The following TANC2 variants were observed in gnomAD, a reference collection of about 807,000 sequenced individuals.
TANC2 encodes the protein tetratricopeptide repeat, ankyrin repeat and coiled-coil containing 2.
TANC2 carries 26 observed loss-of-function variants against 210.5 expected under a neutral mutation model. The ratio of observed to expected loss-of-function variants is 0.12; its 90% CI spans 0.09 to 0.17. The LOEUF is 0.17. Among genes scored for constraint, TANC2 ranks in the 10% least tolerant of loss-of-function variants. The pLI is 1.00. For synonymous variants in TANC2, 931 were observed against 967.1 expected, an observed-to-expected ratio of 0.96 and a Z score of 0.69; for missense variants, 2,129 against 2,608.9, an observed-to-expected ratio of 0.82 and a Z score of 4.01.
chr17:63,195,255 A>C (rs533088081), intron 6 of TANC2, among the ~76,000 whole-genome samples: 1 of 152,224 alleles, frequency 6.6e-6, no homozygotes, highest in African/African-American at 2.4e-5. Context: ...TTAGCTTCCC[A>C]CATTATATTT....
chr17:63,156,743 G>A (rs2039853502), intron 5 of TANC2, among the ~76,000 whole-genome samples: 1 of 151,478 alleles, frequency 6.6e-6, no homozygotes, highest in Admixed American at 6.6e-5. Context: ...AAATAGAGAT[G>A]AGATCTCCCT....
intron 7 of TANC2, among the ~76,000 whole-genome samples, chr17:63,224,898 C>G (rs2042290117): frequency 6.6e-6 from 1 of 152,216 alleles, no homozygotes; most frequent in Non-Finnish European, 1.5e-5. Flanking sequence ...CTGATCATCT[C>G]AGGCTGATTT....
chr17:63,304,567 C>T (rs562293845), intron 9 of TANC2, among the ~76,000 whole-genome samples: 14 of 152,242 alleles, frequency 9.2e-5, no homozygotes, highest in South Asian at 6.2e-4. Context: ...TTGGGTGGCA[C>T]GGGGAGCAGG....
chr17:63,354,099 A>T (rs750081963), intron 13 of TANC2, among the ~76,000 whole-genome samples: 1 of 152,088 alleles, frequency 6.6e-6, no homozygotes, highest in Admixed American at 6.5e-5. Context: ...AGGAGAGGGA[A>T]TGGGTACTCA....
intron 11 of TANC2, among the ~76,000 whole-genome samples, chr17:63,337,103 T>C (rs1328007622): frequency 6.6e-6 from 1 of 152,220 alleles, no homozygotes; most frequent in African/African-American, 2.4e-5. Flanking sequence ...TATGTGCATA[T>C]ACCTACTACG....
intron 2 of TANC2, among the ~76,000 whole-genome samples, chr17:63,063,474 C>T (rs916738291): frequency 1.3e-5 from 2 of 151,772 alleles, no homozygotes; most frequent in African/African-American, 2.4e-5. Context: ...AGGACACTCC[C>T]GTCACCCAGG....
intron 2 of TANC2, among the ~76,000 whole-genome samples, chr17:63,037,337 G>A (rs1453634452): frequency 6.6e-6 from 1 of 152,030 alleles, no homozygotes; most frequent in Admixed American, 6.6e-5. Context: ...ACACTACTCA[G>A]TATGGGGTGT....
intron 26 of TANC2, 67 bp downstream of exon 26, chr17:63,415,741 C>A: frequency 1.3e-6 from 2 of 1,557,454 alleles, no homozygotes; most frequent in Admixed American, 1.9e-5. Flanking sequence ...CACTCACTAG[C>A]TTTTACCAGG....
exon 28 of TANC2, chr17:63,425,023 CAATT>C (rs982661962): frequency 1.3e-5 from 2 of 152,118 alleles, no homozygotes; most frequent in Admixed American, 6.5e-5. Flanking sequence ...TAACAATTAA[CAATT>C]AATGTTTATT....
chr17:63,309,342 A>AT (rs1302309737), intron 9 of TANC2, among the ~76,000 whole-genome samples: 1 of 152,156 alleles, frequency 6.6e-6, no homozygotes, highest in Non-Finnish European at 1.5e-5. Flanking sequence ...AGAAACTAAT[A>AT]TTTTTTCAAA....
At chr17:62,991,824 G>T (rs2032884899) in intron 1 of TANC2, among the ~76,000 whole-genome samples, 3 of 152,114 alleles carry the variant, frequency 2.0e-5, no homozygotes, top group Non-Finnish European at 2.9e-5. Flanking sequence ...AGAGGAGACT[G>T]ACTAGGACCC....
chr17:63,272,867 A>G (rs1265261355), intron 9 of TANC2, among the ~76,000 whole-genome samples: 1 of 152,168 alleles, frequency 6.6e-6, no homozygotes, highest in Non-Finnish European at 1.5e-5. Context: ...TGTATGTCCA[A>G]AGAACATTTG....
chr17:63,371,541 A>G (rs924437959), intron 14 of TANC2, among the ~76,000 whole-genome samples: 3 of 152,160 alleles, frequency 2.0e-5, no homozygotes, highest in African/African-American at 7.2e-5. Context: ...TAAGTTTGTC[A>G]TCATAATGAA....
intron 8 of TANC2, among the ~76,000 whole-genome samples, chr17:63,249,345 G>A (rs2042996252): frequency 6.6e-6 from 1 of 152,156 alleles, no homozygotes; most frequent in South Asian, 2.1e-4. Context: ...AAGCCTGTGT[G>A]TTGGAAGGAA....
intron 14 of TANC2, among the ~76,000 whole-genome samples, chr17:63,370,275 G>T (rs1272936553): frequency 6.6e-6 from 1 of 151,080 alleles, no homozygotes; most frequent in Non-Finnish European, 1.5e-5. Flanking sequence ...GCCTCCCGGG[G>T]TCACGCCATT....
intron 9 of TANC2, among the ~76,000 whole-genome samples, chr17:63,296,627 G>A (rs1461434034): frequency 6.6e-6 from 1 of 152,184 alleles, no homozygotes; most frequent in Non-Finnish European, 1.5e-5. Flanking sequence ...TAAATCAGCT[G>A]TATTAAATAG....
intron 9 of TANC2, among the ~76,000 whole-genome samples, chr17:63,295,612 A>G (rs187123306): frequency 1.1e-4 from 16 of 152,330 alleles, no homozygotes; most frequent in Admixed American, 1.0e-3. Flanking sequence ...ACAAAGAGAG[A>G]TAAGGGGAAA....
chr17:63,250,075 T>TA (rs35406446), intron 8 of TANC2, among the ~76,000 whole-genome samples: 2 of 151,782 alleles, frequency 1.3e-5, no homozygotes, highest in East Asian at 1.9e-4. Flanking sequence ...TGATGAAATC[T>TA]AAAAAAAAGC....
intron 5 of TANC2, among the ~76,000 whole-genome samples, chr17:63,167,647 A>T (rs1251686121): frequency 6.6e-6 from 1 of 152,112 alleles, no homozygotes; most frequent in African/African-American, 2.4e-5. Flanking sequence ...TAAATAAAAC[A>T]TTTAGGTTTG....
Sources: allele counts gnomAD v4.1 joint callset (sites outside exome capture counted in the v4.1 genomes callset), GRCh38; gene constraint gnomAD v4.1.1; transcripts MANE v1.5; gene names NCBI Gene and HGNC (gene_info 2026-07-23, HGNC 2026-07-21).